Variants in FBXL13 observed in about 807,000 individuals in gnomAD.
The protein encoded by FBXL13 is F-box and leucine-rich repeat protein 13.
In FBXL13, 67 loss-of-function variants were observed where a neutral mutation model predicts 83.6. The observed-to-expected ratio is 0.80, with a 90% CI of 0.66 to 0.98. The LOEUF (loss-of-function observed/expected upper bound fraction) is 0.98. Among genes scored for constraint, FBXL13 ranks in the 50% least tolerant of loss-of-function variants. The pLI is 0.00. For missense variants in FBXL13, 822 were observed against 866.5 expected, an observed-to-expected ratio of 0.95 and a Z score of 0.64; for synonymous variants, 272 against 299.5, an observed-to-expected ratio of 0.91 and a Z score of 0.95.
intron 11 of FBXL13, among the ~76,000 whole-genome samples, chr7:102,903,607 G>T (rs758488296): frequency 2.6e-5 from 4 of 151,882 alleles, no homozygotes; most frequent in Non-Finnish European, 5.9e-5. Flanking sequence ...CTAGTTTTTT[G>T]AGGGTTTTTC....
At chr7:102,946,032 C>A (rs1259570301) in intron 8 of FBXL13, among the ~76,000 whole-genome samples, 1 of 152,150 alleles carries the variant, frequency 6.6e-6, no homozygotes, top group Admixed American at 6.5e-5. Context: ...CAGGTGCTCA[C>A]CACCATGCCT....
chr7:102,954,457 A>G (rs994922756), intron 8 of FBXL13, among the ~76,000 whole-genome samples: 1 of 152,208 alleles, frequency 6.6e-6, no homozygotes, highest in East Asian at 1.9e-4. Context: ...TATAAAGACC[A>G]TCACTGCTAT....
In FBXL13 at chr7:102,842,356, A is replaced by G. The variant is rs145186847; in HGVS notation, c.1720-9382T>C. On this transcript the variant is annotated intron_variant, in intron 17 of 19. Transcript: ENST00000313221. The stretch of plus-strand genomic sequence containing the variant: ...GGAAAACAAATAGAAATCAATGTTG[A>G]GTTCTTTAAAAAAAAATGTTGCTAC... Among the ~76,000 whole-genome samples, 575 of 152,312 alleles carry G rather than the reference A, an allele frequency of 3.8e-3. 5 individuals carry two copies. Among genetic ancestry groups the G allele is most frequent in the African/African-American group, 0.014 (563 of 41,560 alleles).
intron 8 of FBXL13, among the ~76,000 whole-genome samples, chr7:102,963,137 G>A (rs1298072997): frequency 1.3e-5 from 2 of 151,396 alleles, no homozygotes; most frequent in African/African-American, 4.8e-5. Flanking sequence ...TGGCCAACAT[G>A]GTGAAACCCT....
intron 8 of FBXL13, chr7:102,939,459 CCA>C: frequency 1.2e-6 from 2 of 1,612,922 alleles, no homozygotes; most frequent in Non-Finnish European, 1.7e-6. Context: ...CAACATCCCT[CCA>C]GATATTGTTA....
intron 2 of FBXL13, chr7:103,050,130 A>AG (rs1796662665): frequency 6.6e-6 from 1 of 152,236 alleles, no homozygotes; most frequent in South Asian, 2.1e-4. Flanking sequence ...AGACACACAA[A>AG]GCACATCAGA....
intron 1 of FBXL13, among the ~76,000 whole-genome samples, chr7:103,072,213 G>A (rs1350343985): frequency 6.6e-6 from 1 of 151,986 alleles, no homozygotes; most frequent in Non-Finnish European, 1.5e-5. Context: ...ACCCATCTGG[G>A]AAATTGAGTC....
intron 17 of FBXL13, among the ~76,000 whole-genome samples, chr7:102,852,577 A>G (rs561705458): frequency 6.6e-6 from 1 of 152,324 alleles, no homozygotes; most frequent in East Asian, 1.9e-4. Flanking sequence ...TAACAAACAT[A>G]TGAAAAAAAA....
intron 10 of FBXL13, among the ~76,000 whole-genome samples, chr7:102,925,793 T>C (rs1164282008): frequency 6.6e-6 from 1 of 151,530 alleles, no homozygotes; most frequent in Non-Finnish European, 1.5e-5. Flanking sequence ...AATACAAAAA[T>C]AGCCAGGCGT....
chr7:103,019,061 A>G (rs1370903230), intron 6 of FBXL13, among the ~76,000 whole-genome samples: 1 of 151,954 alleles, frequency 6.6e-6, no homozygotes, highest in Non-Finnish European at 1.5e-5. Context: ...AAAATTGATC[A>G]CATAGTTGGA....
At chr7:103,066,680 A>C (rs1357238874) in intron 1 of FBXL13, among the ~76,000 whole-genome samples, 1 of 152,164 alleles carries the variant, frequency 6.6e-6, no homozygotes, top group East Asian at 1.9e-4. Flanking sequence ...GGCGTGAGCC[A>C]CTGCGCCCAG....
Position 103,054,932 on chromosome 7 carries a change from G to A in FBXL13, c.-1+712C>T, listed in dbSNP as rs1479865636. Among the ~76,000 whole-genome samples, 8 of 152,154 alleles carry A rather than the reference G, an allele frequency of 5.3e-5. No homozygotes were observed. In the East Asian group the frequency reaches 7.7e-4, roughly 15 times the overall value. ...TTACTATGAATGTGGCTTTGCATGC[G>A]TCTGTGTATGTGTGTGGCTATTCCT... On this transcript the variant is annotated intron_variant, in intron 2 of 19. Transcript: ENST00000313221.
intron 14 of FBXL13, among the ~76,000 whole-genome samples, chr7:102,883,045 G>A (rs1376897405): frequency 2.0e-5 from 3 of 151,980 alleles, no homozygotes; most frequent in African/African-American, 4.8e-5. Context: ...AAGGTAGCCT[G>A]TAAGTATTCC....
chr7:102,965,627 G>A lies in FBXL13; in HGVS notation c.592-1962C>T, dbSNP rs74825663. On this transcript the variant is annotated intron_variant, in intron 7 of 19. Transcript: ENST00000313221. ...TTCTAATATGAAATCCTAGGCTGGC[G>A]CTTATGTACTATTTTTGCCACAGTA... Among the ~76,000 whole-genome samples the A allele has an allele frequency of 3.7e-3, 568 of 152,214 alleles. 5 individuals are homozygous for A. The highest frequency in any genetic ancestry group is 0.014 in the African/African-American group (561 of 41,530).
intron 11 of FBXL13, among the ~76,000 whole-genome samples, chr7:102,894,665 G>A (rs947269483): frequency 6.6e-6 from 1 of 151,244 alleles, no homozygotes; most frequent in African/African-American, 2.4e-5. Flanking sequence ...GGAGTTTGAG[G>A]CTACAGTGAG....
chr7:102,898,688 G>T (rs1812586177), intron 11 of FBXL13, among the ~76,000 whole-genome samples: 1 of 152,110 alleles, frequency 6.6e-6, no homozygotes, highest in Non-Finnish European at 1.5e-5. Flanking sequence ...CAGCAAAGTG[G>T]GAAGTAGATT....
intron 11 of FBXL13, among the ~76,000 whole-genome samples, chr7:102,888,981 T>C (rs1253729630): frequency 6.6e-6 from 1 of 152,156 alleles, no homozygotes; most frequent in African/African-American, 2.4e-5. Flanking sequence ...TTTAGGAAAT[T>C]CTTGAGAAAA....
At chr7:102,931,660 G>T (rs1168320653) in intron 9 of FBXL13, among the ~76,000 whole-genome samples, 2 of 152,138 alleles carry the variant, frequency 1.3e-5, no homozygotes, top group Non-Finnish European at 2.9e-5. Flanking sequence ...AGTCATTGAA[G>T]AATTTCTACT....
intron 11 of FBXL13, among the ~76,000 whole-genome samples, chr7:102,901,121 A>C (rs565627281): frequency 1.3e-5 from 2 of 152,252 alleles, no homozygotes; most frequent in Non-Finnish European, 2.9e-5. Context: ...CATTGTGGCC[A>C]TATGGAAATG....
Sources: allele counts gnomAD v4.1 joint callset (sites outside exome capture counted in the v4.1 genomes callset), GRCh38; gene constraint gnomAD v4.1.1; transcripts MANE v1.5; gene names NCBI Gene and HGNC (gene_info 2026-07-23, HGNC 2026-07-21).